RHBDD1: variants seen among roughly 807,000 people sequenced by gnomAD.
RHBDD1 encodes rhomboid domain containing 1.
Under a neutral mutation model 36.3 loss-of-function variants are expected in RHBDD1, and 38 were observed. The ratio of observed to expected loss-of-function variants is 1.05; its 90% confidence interval spans 0.81 to 1.37. The LOEUF (loss-of-function observed/expected upper bound fraction) is 1.37. RHBDD1 is among the 40% of genes most tolerant of loss of function. The pLI, the probability that RHBDD1 is intolerant of heterozygous loss-of-function variation, is 0.00. For synonymous variants in RHBDD1, 151 were observed against 136.5 expected (o/e 1.11, Z -0.74); for missense variants, 393 against 377.6 (o/e 1.04, Z -0.34).
the RHBDD1 span, among the ~76,000 whole-genome samples, chr2:226,803,421 A>G: frequency 5.3e-5 from 8 of 152,056 alleles, no homozygotes; most frequent in African/African-American, 1.9e-4. Flanking sequence ...AGAAGAGAGG[A>G]GCCTTAAGCT....
intron 8 of RHBDD1, among the ~76,000 whole-genome samples, chr2:226,950,512 G>C (rs1240915542): frequency 6.6e-6 from 1 of 152,186 alleles, no homozygotes; most frequent in Admixed American, 6.5e-5. Context: ...TGGGAGTGCA[G>C]ATATCTCTTC....
chr2:226,899,973 T>A lies in RHBDD1; in HGVS notation c.567-6820T>A, dbSNP rs1241417021. 1.3e-5 allele frequency among the ~76,000 whole-genome samples: 2 copies of A among 152,196 alleles called. 1 individual carries two copies. The highest frequency in any genetic ancestry group is 2.9e-5 in the Non-Finnish European group (2 of 68,030). On this transcript the variant is annotated intron_variant, in intron 5 of 8. Transcript: ENST00000392062. ...CCATGATTTGAGTACTAGCAAGATGTTTTCCAGTTAAATACAGAATTACTT... is the reference window on the plus strand; with the variant it reads ...CCATGATTTGAGTACTAGCAAGATGATTTCCAGTTAAATACAGAATTACTT...
intron 5 of RHBDD1, among the ~76,000 whole-genome samples, chr2:226,873,233 G>T (rs574572489): frequency 6.6e-6 from 1 of 152,192 alleles, no homozygotes; most frequent in African/African-American, 2.4e-5. Context: ...ACTCAGCTAT[G>T]CACAGAAATG....
chr2:226,801,763 T>A, the RHBDD1 span, among the ~76,000 whole-genome samples: 4 of 152,006 alleles, frequency 2.6e-5, no homozygotes, highest in African/African-American at 9.7e-5. Flanking sequence ...GGCAGGGAGG[T>A]GCAGAATAAA....
At chr2:226,910,827 G>A (rs772211473) in intron 7 of RHBDD1, among the ~76,000 whole-genome samples, 3 of 152,006 alleles carry the variant, frequency 2.0e-5, no homozygotes, top group Non-Finnish European at 4.4e-5. Context: ...TTGGTCCTAC[G>A]GGAGGAGATC....
intron 3 of RHBDD1, among the ~76,000 whole-genome samples, chr2:226,856,295 C>T (rs1007062079): frequency 1.3e-5 from 2 of 152,002 alleles, no homozygotes; most frequent in African/African-American, 2.4e-5. Flanking sequence ...AAACAGATTG[C>T]GAGTATTCAG....
chr2:226,863,080 G>C (rs773037948), intron 3 of RHBDD1, among the ~76,000 whole-genome samples: 1 of 152,196 alleles, frequency 6.6e-6, no homozygotes, highest in Non-Finnish European at 1.5e-5. Flanking sequence ...GGGCCTAGTG[G>C]CTCATGCCTG....
chr2:226,925,486 T>C (rs2125804268), intron 8 of RHBDD1, among the ~76,000 whole-genome samples: 1 of 152,168 alleles, frequency 6.6e-6, no homozygotes. Flanking sequence ...AGGCACAAAA[T>C]AGTATGTACC....
rs886163763 is a variant in RHBDD1, at chr2:226,921,443, T to G, written c.856+7092T>G. Among the ~76,000 whole-genome samples the G allele has an allele frequency of 2.1e-4, 32 of 152,142 alleles. 1 individual carries two copies. Among genetic ancestry groups the G allele is most frequent in the Admixed American group, 6.5e-5 (1 of 15,272 alleles). On this transcript the variant is annotated intron_variant, in intron 8 of 8. Transcript: ENST00000392062. ...TGAATCATTATGTTATTTGAAGTTTTTCTACCTTTTAGATACAGGCGCCTA... is the reference window on the plus strand; with the variant it reads ...TGAATCATTATGTTATTTGAAGTTTGTCTACCTTTTAGATACAGGCGCCTA...
At chr2:226,929,597 T>C (rs1210587033) in intron 8 of RHBDD1, among the ~76,000 whole-genome samples, 1 of 151,946 alleles carries the variant, frequency 6.6e-6, no homozygotes, top group Non-Finnish European at 1.5e-5. Flanking sequence ...TGGAACAAGA[T>C]AAGGATGCCC....
At chr2:226,978,083 T>C (rs895319693) in intron 8 of RHBDD1, among the ~76,000 whole-genome samples, 1 of 152,250 alleles carries the variant, frequency 6.6e-6, no homozygotes, top group East Asian at 1.9e-4. Context: ...TATTTTTTTC[T>C]ACTGTGAGAT....
chr2:226,836,750 A>G (rs1941015618), intron 1 of RHBDD1, among the ~76,000 whole-genome samples: 1 of 152,214 alleles, frequency 6.6e-6, no homozygotes, highest in African/African-American at 2.4e-5. Context: ...CAGTACACTC[A>G]GTGACTCCCA....
chr2:226,898,996 G>A (rs145817167), intron 5 of RHBDD1, among the ~76,000 whole-genome samples: 1 of 152,274 alleles, frequency 6.6e-6, no homozygotes, highest in African/African-American at 2.4e-5. Flanking sequence ...TACATTTTCT[G>A]CTTTCTGAGC....
intron 3 of RHBDD1, 73 bp from the exon 4 acceptor site, chr2:226,864,531 T>G: frequency 1.6e-6 from 1 of 617,486 alleles, no homozygotes; most frequent in South Asian, 2.1e-5. Flanking sequence ...TGGGAGTTTG[T>G]CTTGAAGCGA....
the RHBDD1 span, among the ~76,000 whole-genome samples, chr2:226,819,990 T>C: frequency 1.3e-5 from 2 of 151,604 alleles, no homozygotes; most frequent in Non-Finnish European, 2.9e-5. Flanking sequence ...TTTTTTTTTT[T>C]TTTTTTTCTG....
the RHBDD1 span, chr2:226,807,427 T>C: frequency 2.6e-5 from 4 of 152,226 alleles, no homozygotes; most frequent in African/African-American, 9.6e-5. Context: ...AAAAACTAGA[T>C]AAAATGTTGC....
chr2:226,956,589 C>G (rs1017025897), intron 8 of RHBDD1, among the ~76,000 whole-genome samples: 12 of 152,164 alleles, frequency 7.9e-5, no homozygotes, highest in South Asian at 2.1e-4. Context: ...CTTTTGTACT[C>G]TGACATCTTT....
At chr2:226,940,681 A>G (rs1253328505) in intron 8 of RHBDD1, among the ~76,000 whole-genome samples, 1 of 152,210 alleles carries the variant, frequency 6.6e-6, no homozygotes, top group Non-Finnish European at 1.5e-5. Context: ...CTGTTTTCAA[A>G]TAGAACTGTA....
chr2:226,973,771 C>T (rs2149359509), intron 8 of RHBDD1, among the ~76,000 whole-genome samples: 1 of 152,338 alleles, frequency 6.6e-6, no homozygotes, highest in Non-Finnish European at 1.5e-5. Context: ...CTGCCTCCTT[C>T]ACTAGCAGAA....
Sources: gnomAD v4.1 joint callset for allele counts (sites outside exome capture counted in the v4.1 genomes callset) on GRCh38, gnomAD v4.1.1 for gene constraint, MANE v1.5 for transcripts, NCBI Gene and HGNC (gene_info 2026-07-23, HGNC 2026-07-21) for gene names.